TMEM217: variants seen among roughly 807,000 people sequenced by gnomAD.
TMEM217 encodes transmembrane protein 217, also known as chromosome 6 open reading frame 128.
For missense variants in TMEM217, 204 were observed against 248.8 expected (o/e 0.82, Z 1.21); for synonymous variants, 76 against 88.3 (o/e 0.86, Z 0.78).
In TMEM217 at chr6:37,250,616, G is replaced by A. The variant is rs117133546; in HGVS notation, c.-12+6952C>T. ...CCTAGGTACTGTACCTTAAAGCAGT[G>A]CTTTTCAAACATGCTGATCACGACC... On this transcript the variant is annotated intron_variant, in intron 1 of 1. Transcript: ENST00000357219. Among the ~76,000 whole-genome samples the A allele has an allele frequency of 2.4e-4, 36 of 152,354 alleles. No individual in the cohort carries two copies. In the East Asian group the frequency reaches 6.6e-3, roughly 28 times the overall value.
chr6:37,215,570 C>CGAAAAAAAAAAAAAAAAAAAAAAA (rs1763146807), downstream of TMEM217, among the ~76,000 whole-genome samples: 1 of 72,376 alleles, frequency 1.4e-5, no homozygotes. Context: ...GACTCTGTCT[C>CGAAAAAAAAAAAAAAAAAAAAAAA]AAAAAAAAAA....
chr6:37,228,446 G>C (rs115149515), intron 1 of TMEM217, among the ~76,000 whole-genome samples: 12,243 of 152,258 alleles, frequency 0.08, 800 homozygotes, highest in African/African-American at 0.16. Flanking sequence ...GCTCACGCTT[G>C]TAATCTCAGC....
intron 1 of TMEM217, among the ~76,000 whole-genome samples, chr6:37,233,912 T>C (rs1764346543): frequency 1.3e-5 from 2 of 152,200 alleles, no homozygotes; most frequent in South Asian, 4.1e-4. Flanking sequence ...CATACAGCCA[T>C]TCTGATTTTC....
chr6:37,249,657 A>C (rs1765293383), intron 1 of TMEM217, among the ~76,000 whole-genome samples: 1 of 152,104 alleles, frequency 6.6e-6, no homozygotes, highest in East Asian at 1.9e-4. Context: ...AGAGACTAAG[A>C]TTTCTACTTT....
Position 37,225,805 on chromosome 6 carries a change from G to A in TMEM217, c.-11-6764C>T, listed in dbSNP as rs150451990. On this transcript the variant is annotated intron_variant, in intron 1 of 1. Transcript: ENST00000357219. ...TGATTTGTGTGGCCCCATGACCAAC[G>A]GGATGCAAATGCAAGTGATGGGTGC... Among the ~76,000 whole-genome samples the A allele has an allele frequency of 2.3e-4, 35 of 152,264 alleles. No homozygotes were observed. The East Asian group carries it at 6.0e-3, about 26-fold the overall frequency.
At chr6:37,245,545 G>A (rs530419019) in intron 1 of TMEM217, among the ~76,000 whole-genome samples, 1 of 152,332 alleles carries the variant, frequency 6.6e-6, no homozygotes, top group South Asian at 2.1e-4. Context: ...ATAAGTAGCT[G>A]GCATTTTCAG....
intron 1 of TMEM217, among the ~76,000 whole-genome samples, chr6:37,237,733 T>A (rs1487751080): frequency 6.6e-6 from 1 of 152,136 alleles, no homozygotes; most frequent in Non-Finnish European, 1.5e-5. Context: ...AACAATATGG[T>A]AGAATCTTAA....
At chr6:37,219,008 C>T (rs369605187) in exon 2 of TMEM217, 1 of 1,613,808 alleles carries the variant, frequency 6.2e-7, no homozygotes, top group Non-Finnish European at 8.5e-7. Flanking sequence ...GGCAGTCATC[C>T]CACACCACTG....
At chr6:37,257,815 C>A (rs902377527) in exon 1 of TMEM217, 157 of 1,311,700 alleles carry the variant, frequency 1.2e-4, no homozygotes, top group Non-Finnish European at 1.6e-4. Flanking sequence ...GGGTGACCGG[C>A]GGCGGGGAAG....
At chr6:37,235,754 A>G (rs1380176977) in intron 1 of TMEM217, among the ~76,000 whole-genome samples, 1 of 152,224 alleles carries the variant, frequency 6.6e-6, no homozygotes, top group Non-Finnish European at 1.5e-5. Flanking sequence ...TCTGCTTCCA[A>G]GATGACGCCT....
chr6:37,226,053 C>G (rs1237692425), intron 1 of TMEM217, among the ~76,000 whole-genome samples: 1 of 152,130 alleles, frequency 6.6e-6, no homozygotes, highest in Admixed American at 6.6e-5. Flanking sequence ...ACTACCTAAA[C>G]TTCTTTATTG....
intron 1 of TMEM217, among the ~76,000 whole-genome samples, chr6:37,249,291 T>C (rs1455973159): frequency 6.6e-6 from 1 of 152,066 alleles, no homozygotes; most frequent in South Asian, 2.1e-4. Context: ...AAGAAATGAA[T>C]ATTTCTTTTC....
chr6:37,218,431 C>A (rs1402901584), exon 2 of TMEM217: 2 of 1,601,854 alleles, frequency 1.2e-6, no homozygotes, highest in Non-Finnish European at 1.7e-6. Flanking sequence ...CCTACCTCTG[C>A]CTCTCAAAGT....
chr6:37,212,642 T>A (rs1583417656), downstream of TMEM217: 3 of 539,836 alleles, frequency 5.6e-6, no homozygotes, highest in Non-Finnish European at 1.1e-5. Flanking sequence ...TCTTTGATGA[T>A]CCCGTTGAGG....
At chr6:37,230,160 A>G (rs1764118750) in intron 1 of TMEM217, among the ~76,000 whole-genome samples, 1 of 152,156 alleles carries the variant, frequency 6.6e-6, no homozygotes, top group Non-Finnish European at 1.5e-5. Flanking sequence ...CACGCTTGGA[A>G]TTTCTCTGAC....
At chr6:37,227,687 A>G (rs987435867) in intron 1 of TMEM217, among the ~76,000 whole-genome samples, 47 of 151,358 alleles carry the variant, frequency 3.1e-4, no homozygotes, top group East Asian at 1.9e-4. Context: ...CTCGTGATCC[A>G]CCCGCCTCAG....
chr6:37,252,134 C>T (rs1363233544), intron 1 of TMEM217, among the ~76,000 whole-genome samples: 2 of 152,184 alleles, frequency 1.3e-5, no homozygotes, highest in African/African-American at 4.8e-5. Flanking sequence ...CTCAGGTGAT[C>T]CGCCTGCCTC....
At chr6:37,219,733 A>C (rs893142671) in intron 1 of TMEM217, among the ~76,000 whole-genome samples, 3 of 143,260 alleles carry the variant, frequency 2.1e-5, no homozygotes, top group Non-Finnish European at 3.1e-5. Flanking sequence ...CCCTATATCC[A>C]AAAAAAAAAA....
At chr6:37,232,075 C>T (rs1393567219) in intron 1 of TMEM217, among the ~76,000 whole-genome samples, 1 of 151,990 alleles carries the variant, frequency 6.6e-6, no homozygotes, top group African/African-American at 2.4e-5. Context: ...GAGGTATTTT[C>T]TTTTTTGCTT....
Sources: gnomAD v4.1 joint callset for allele counts (sites outside exome capture counted in the v4.1 genomes callset) on GRCh38, gnomAD v4.1.1 for gene constraint, MANE v1.5 for transcripts, NCBI Gene and HGNC (gene_info 2026-07-23, HGNC 2026-07-21) for gene names.